The following PTPN11 variants were observed in gnomAD, a reference collection of about 807,000 sequenced individuals.
PTPN11 encodes the protein protein tyrosine phosphatase non-receptor type 11, also known as tyrosine-protein phosphatase non-receptor type 11.
A neutral mutation model predicts 78.8 loss-of-function variants in PTPN11; 6 were observed. That is an observed-to-expected ratio of 0.08 (90% CI 0.04 to 0.15). The LOEUF is 0.15. Among genes scored for constraint, PTPN11 ranks in the 10% least tolerant of loss-of-function variants. The pLI is 1.00. For synonymous variants in PTPN11, 221 were observed against 263.5 expected (o/e 0.84, Z 1.56); for missense variants, 386 against 744.8 (o/e 0.52, Z 5.61).
intron 13 of PTPN11, among the ~76,000 whole-genome samples, chr12:112,490,981 G>A (rs1299875992): frequency 6.6e-6 from 1 of 152,128 alleles, no homozygotes; most frequent in Non-Finnish European, 1.5e-5. Flanking sequence ...AGGATAATTG[G>A]TTATTCTAAA....
At position 112,435,647 on chromosome 12, in the gene PTPN11, G is replaced by GTTT. The variant is rs552552504; in HGVS notation, c.15-10612_15-10610dup. On this transcript the variant is annotated intron_variant, in intron 1 of 15. Transcript: ENST00000351677. ...AATAACCTGGGACTGTAGGATTAAG[G>GTTT]TTTTTTTTTTTTTTTTTTTAAATAC... Among the ~76,000 whole-genome samples the GTTT allele has an allele frequency of 9.2e-3, 1,251 of 135,694 alleles. 18 individuals carry two copies. Among genetic ancestry groups the GTTT allele is most frequent in the African/African-American group, 0.032 (1,192 of 37,514 alleles). The allele number at this position is 135,694 out of a possible 152,430, so 89.0% of individuals were successfully genotyped here. A position where few individuals can be genotyped will look rare whatever the true frequency, so the allele number is the denominator to read the frequency against.
chr12:112,486,845 C>T, intron 11 of PTPN11: 1 of 1,435,734 alleles, frequency 7.0e-7, no homozygotes, highest in Non-Finnish European at 9.1e-7. Context: ...TGGCAACATG[C>T]TCAGTTAAAA....
chr12:112,444,853 T>C (rs796278367), intron 1 of PTPN11, among the ~76,000 whole-genome samples: 8 of 152,148 alleles, frequency 5.3e-5, no homozygotes, highest in African/African-American at 1.9e-4. Context: ...TGGCCCACAA[T>C]AGGATGTTCC....
intron 6 of PTPN11, among the ~76,000 whole-genome samples, chr12:112,457,671 C>T (rs1350441685): frequency 6.6e-6 from 1 of 152,208 alleles, no homozygotes; most frequent in East Asian, 1.9e-4. Context: ...ACATCTTCTC[C>T]AGCATCTGTT....
At chr12:112,489,211 C>T in intron 13 of PTPN11, 36 bp downstream of exon 13, 2 of 1,612,700 alleles carry the variant, frequency 1.2e-6, no homozygotes, top group South Asian at 2.2e-5. Flanking sequence ...GATTCTCATT[C>T]TCTTGCTAGG....
intron 1 of PTPN11, among the ~76,000 whole-genome samples, chr12:112,425,355 CT>C (rs1315071762): frequency 1.3e-5 from 2 of 151,266 alleles, no homozygotes; most frequent in East Asian, 1.9e-4. Context: ...CTATTGATGC[CT>C]TTTTTTTCAG....
chr12:112,424,425 A>G (rs1357193846), intron 1 of PTPN11, among the ~76,000 whole-genome samples: 1 of 152,082 alleles, frequency 6.6e-6, no homozygotes, highest in African/African-American at 2.4e-5. Context: ...TGATCGGGGG[A>G]GTGGCATGAG....
At chr12:112,448,903 T>TGAGTGG (rs944603747) in intron 2 of PTPN11, among the ~76,000 whole-genome samples, 4 of 152,132 alleles carry the variant, frequency 2.6e-5, no homozygotes, top group African/African-American at 9.7e-5. Context: ...TTATTTTTTT[T>TGAGTGG]GAGTGGGAGT....
intron 13 of PTPN11, among the ~76,000 whole-genome samples, chr12:112,501,200 G>A (rs1318332037): frequency 6.6e-6 from 1 of 152,168 alleles, no homozygotes; most frequent in East Asian, 1.9e-4. Flanking sequence ...GAGTAGAAAA[G>A]GGTGACAAAC....
At chr12:112,456,893 ACT>A (rs2038169736) in intron 6 of PTPN11, among the ~76,000 whole-genome samples, 3 of 150,896 alleles carry the variant, frequency 2.0e-5, no homozygotes, top group South Asian at 2.1e-4. Context: ...CAAATTGATA[ACT>A]CTGGTAAGTT....
At chr12:112,479,163 T>A (rs376273850) in intron 9 of PTPN11, among the ~76,000 whole-genome samples, 3 of 152,226 alleles carry the variant, frequency 2.0e-5, no homozygotes, top group East Asian at 3.9e-4. Flanking sequence ...ATTAAAAAAA[T>A]AAATTGTAAC....
chr12:112,491,051 A>G (rs2038738880), intron 13 of PTPN11, among the ~76,000 whole-genome samples: 1 of 152,176 alleles, frequency 6.6e-6, no homozygotes, highest in Non-Finnish European at 1.5e-5. Context: ...AGAATTTGCT[A>G]AAGAAGGATC....
Position 112,456,004 on chromosome 12 carries a change from C to T in PTPN11, c.697C>T (p.Leu233=), listed in dbSNP as rs1476083543. The T allele has an allele frequency of 1.2e-6, 2 of 1,612,870 alleles. No homozygotes were observed. The highest frequency in any genetic ancestry group is 2.2e-5 in the South Asian group (2 of 91,048). Reference sequence around the variant, plus strand: ...TGAAATAGAAAGCAGAGTTCGAGAACTAAGCAAATTAGCTGAGACCACAGA... The same window carrying T: ...TGAAATAGAAAGCAGAGTTCGAGAATTAAGCAAATTAGCTGAGACCACAGA... ...AAEIESRVRE[L]SKLAETTDKV... The change falls in exon 6 of 16, where the codon CTA becomes TTA. Residue 233 remains leucine, a synonymous_variant. Transcript: ENST00000351677.
At chr12:112,444,693 G>A (rs1010250794) in intron 1 of PTPN11, among the ~76,000 whole-genome samples, 1 of 152,122 alleles carries the variant, frequency 6.6e-6, no homozygotes, top group Non-Finnish European at 1.5e-5. Flanking sequence ...GAAACTAAGA[G>A]AATGAACTAT....
rs886048982 is a variant in PTPN11, at chr12:112,509,811, C to T, written c.*4019C>T. 7.7e-4 allele frequency: 117 copies of T among 152,640 alleles called. No individual in the cohort carries two copies. The highest frequency in any genetic ancestry group is 3.4e-3 in the Middle Eastern group (1 of 294). 9.5% of individuals were successfully genotyped at this position (152,640 alleles called of 1,614,324 possible). A position where few individuals can be genotyped will look rare whatever the true frequency, so the allele number is the denominator to read the frequency against. ...CCCCACCTATATTTATGGGTGTTAG[C>T]GCAACTGCTTTGCTAGTTGCAAAGC... is the stretch of plus-strand genomic sequence containing the variant. On this transcript the variant is annotated 3_prime_UTR_variant, in exon 16 of 16. Coordinates refer to ENST00000351677, the MANE Select transcript of PTPN11 (RefSeq NM_002834.5).
At chr12:112,459,405 C>T (rs2038213393) in intron 6 of PTPN11, among the ~76,000 whole-genome samples, 1 of 152,012 alleles carries the variant, frequency 6.6e-6, no homozygotes, top group African/African-American at 2.4e-5. Context: ...ACTCACTTCC[C>T]CAGCCCTGAC....
chr12:112,446,141 G>T, intron 1 of PTPN11, 135 bp from the exon 2 acceptor site: 1 of 1,093,002 alleles, frequency 9.1e-7, no homozygotes, highest in Non-Finnish European at 1.3e-6. Context: ...AGAGGGGGAA[G>T]GGACAGGGAA....
intron 1 of PTPN11, among the ~76,000 whole-genome samples, chr12:112,433,949 C>A (rs2037751191): frequency 6.6e-6 from 1 of 151,676 alleles, no homozygotes; most frequent in South Asian, 2.1e-4. Flanking sequence ...TAGAGTGGGA[C>A]CCTATCTCAA....
intron 5 of PTPN11, 133 bp downstream of exon 5, chr12:112,454,813 C>T (rs2038130531): frequency 5.2e-6 from 3 of 580,622 alleles, no homozygotes; most frequent in Non-Finnish European, 9.6e-6. Context: ...CTTCAACTAT[C>T]AAATCTTTTT....
Sources: allele counts gnomAD v4.1 joint callset (sites outside exome capture counted in the v4.1 genomes callset), GRCh38; gene constraint gnomAD v4.1.1; transcripts MANE v1.5; gene names NCBI Gene and HGNC (gene_info 2026-07-23, HGNC 2026-07-21).